TSPAN9: variants seen among roughly 807,000 people sequenced by gnomAD.
The protein encoded by TSPAN9 is tetraspanin 9, also known as tetraspanin-9.
TSPAN9 carries 16 observed loss-of-function variants against 31.0 expected under a neutral mutation model. That is an observed-to-expected ratio of 0.52 (90% confidence interval 0.35 to 0.78). TSPAN9 has a LOEUF of 0.78. Ranked by LOEUF, TSPAN9 falls within the 30% of genes least tolerant of loss-of-function variation. The pLI, the probability that TSPAN9 is intolerant of heterozygous loss-of-function variation, is 0.01. For synonymous variants in TSPAN9, 145 were observed against 121.6 expected, an observed-to-expected ratio of 1.19 and a Z score of -1.27; for missense variants, 272 against 312.5, an observed-to-expected ratio of 0.87 and a Z score of 0.98.
chr12:3,104,212 A>G (rs2153964619), intron 2 of TSPAN9, among the ~76,000 whole-genome samples: 1 of 152,268 alleles, frequency 6.6e-6, no homozygotes, highest in African/African-American at 2.4e-5. Context: ...TTTAGCTCTT[A>G]TGGCAGAAGA....
At chr12:3,267,066 G>A (rs575405786) in intron 3 of TSPAN9, among the ~76,000 whole-genome samples, 6 of 152,308 alleles carry the variant, frequency 3.9e-5, no homozygotes, top group African/African-American at 9.6e-5. Flanking sequence ...TCTGCCGAAC[G>A]AGAGGCACCC....
At chr12:3,193,291 G>A (rs1227406290) in intron 2 of TSPAN9, among the ~76,000 whole-genome samples, 2 of 152,178 alleles carry the variant, frequency 1.3e-5, no homozygotes, top group East Asian at 1.9e-4. Flanking sequence ...GGTGTGAGCC[G>A]ATTTCGGGGA....
intron 2 of TSPAN9, among the ~76,000 whole-genome samples, chr12:3,134,253 A>G (rs1414943654): frequency 6.6e-6 from 1 of 152,186 alleles, no homozygotes; most frequent in Non-Finnish European, 1.5e-5. Flanking sequence ...GTGTGAATGA[A>G]TGGGTGATGG....
At chr12:3,133,674 G>GT (rs141912764) in intron 2 of TSPAN9, among the ~76,000 whole-genome samples, 1 of 152,166 alleles carries the variant, frequency 6.6e-6, no homozygotes, top group Non-Finnish European at 1.5e-5. Context: ...TGAGCAGGTG[G>GT]TTTTTTTCTC....
At chr12:3,175,486 C>T (rs533718655) in intron 2 of TSPAN9, among the ~76,000 whole-genome samples, 6 of 152,320 alleles carry the variant, frequency 3.9e-5, no homozygotes, top group South Asian at 4.1e-4. Context: ...GAAAGCCAGG[C>T]ACCTCGTCCT....
intron 2 of TSPAN9, among the ~76,000 whole-genome samples, chr12:3,108,996 C>T (rs946698258): frequency 7.3e-5 from 11 of 151,370 alleles, no homozygotes; most frequent in South Asian, 4.2e-4. Context: ...AGTGCAGTGG[C>T]GCGATCTCCG....
chr12:3,283,107 C>G lies in TSPAN9; in HGVS notation c.711C>G (p.Tyr237Ter). 2 of 1,608,906 alleles carry G rather than the reference C, an allele frequency of 1.2e-6. No individual in the cohort carries two copies. The highest frequency in any genetic ancestry group is 1.7e-6 in the Non-Finnish European group (2 of 1,179,962). Residue 237 changes from tyrosine (Y) to a stop codon, truncating the protein, a stop_gained, in exon 9 of 9, where the codon TAC becomes TAG. Transcript: ENST00000011898. LOFTEE classifies it high-confidence loss of function. ...FQHIHRTGKK[Y>*]DA Reference sequence around the variant, plus strand: ...ACATCCACCGGACTGGTAAGAAGTACGACGCATGAGCGGGCTGGCCGGGAG... The same window carrying G: ...ACATCCACCGGACTGGTAAGAAGTAGGACGCATGAGCGGGCTGGCCGGGAG...
At chr12:3,184,762 G>A (rs2098360300) in intron 2 of TSPAN9, among the ~76,000 whole-genome samples, 1 of 152,084 alleles carries the variant, frequency 6.6e-6, no homozygotes, top group Non-Finnish European at 1.5e-5. Context: ...GGAATAGCTT[G>A]CACCCGGAGT....
chr12:3,132,810 G>A (rs1303972658), intron 2 of TSPAN9, among the ~76,000 whole-genome samples: 3 of 152,074 alleles, frequency 2.0e-5, no homozygotes, highest in Non-Finnish European at 2.9e-5. Flanking sequence ...CCCATCCCTA[G>A]TGGACCGGTG....
chr12:3,199,723 G>C (rs975555033), intron 2 of TSPAN9, among the ~76,000 whole-genome samples: 6 of 152,144 alleles, frequency 3.9e-5, no homozygotes, highest in African/African-American at 1.4e-4. Context: ...CCTTGTGTGC[G>C]CGCCCGTGCG....
intron 8 of TSPAN9, chr12:3,282,153 C>T (rs951761517): frequency 4.9e-6 from 3 of 611,724 alleles, no homozygotes; most frequent in Non-Finnish European, 8.8e-6. Context: ...CCCCCGGTCA[C>T]CATCTTTACA....
At chr12:3,121,715 T>C (rs1027512497) in intron 2 of TSPAN9, among the ~76,000 whole-genome samples, 1 of 152,048 alleles carries the variant, frequency 6.6e-6, no homozygotes, top group African/African-American at 2.4e-5. Context: ...CTAGTTACAC[T>C]GAGCCTGTGC....
At chr12:3,095,401 G>T (rs1339602683) in intron 2 of TSPAN9, among the ~76,000 whole-genome samples, 1 of 150,590 alleles carries the variant, frequency 6.6e-6, no homozygotes, top group Non-Finnish European at 1.5e-5. Flanking sequence ...CTCCCAGACG[G>T]GGTGGTGGCC....
At chr12:3,104,304 G>A (rs2098313201) in intron 2 of TSPAN9, among the ~76,000 whole-genome samples, 1 of 152,044 alleles carries the variant, frequency 6.6e-6, no homozygotes, top group South Asian at 2.1e-4. Flanking sequence ...CTGCTCGGTA[G>A]AAAATCGGTA....
intron 3 of TSPAN9, among the ~76,000 whole-genome samples, chr12:3,258,729 C>G (rs1862396443): frequency 6.6e-6 from 1 of 152,164 alleles, no homozygotes; most frequent in Admixed American, 6.5e-5. Flanking sequence ...CTCCCAAGAT[C>G]TTCTCCCAAG....
chr12:3,268,633 TGTGC>T (rs1862592611), intron 3 of TSPAN9, among the ~76,000 whole-genome samples: 1 of 84,032 alleles, frequency 1.2e-5, no homozygotes, highest in African/African-American at 5.1e-5. Context: ...GCCTGCCCTC[TGTGC>T]GTTCCTGCAG....
chr12:3,241,036 G>A (rs146263413), intron 3 of TSPAN9, among the ~76,000 whole-genome samples: 79 of 152,272 alleles, frequency 5.2e-4, no homozygotes, highest in African/African-American at 1.7e-3. Context: ...TGGGTGTAAG[G>A]TGTTAAAACC....
At chr12:3,251,830 G>A (rs988543714) in intron 3 of TSPAN9, among the ~76,000 whole-genome samples, 3 of 152,176 alleles carry the variant, frequency 2.0e-5, no homozygotes, top group Admixed American at 2.0e-4. Context: ...CTGGAAAGGG[G>A]ACCCGGCTCC....
intron 3 of TSPAN9, chr12:3,211,717 T>C (rs373431119): frequency 3.8e-6 from 6 of 1,596,874 alleles, no homozygotes; most frequent in East Asian, 2.2e-5. Flanking sequence ...CTTTTCCTCC[T>C]GTAGGCTGGC....
Sources: allele counts gnomAD v4.1 joint callset (sites outside exome capture counted in the v4.1 genomes callset), GRCh38; gene constraint gnomAD v4.1.1; transcripts MANE v1.5; gene names NCBI Gene and HGNC (gene_info 2026-07-23, HGNC 2026-07-21).